The following CPD variants were observed in gnomAD, a reference collection of about 807,000 sequenced individuals.
CPD encodes the protein metallocarboxypeptidase D.
In CPD, 69 loss-of-function variants were observed where a neutral mutation model predicts 138.3. The observed-to-expected ratio is 0.50, with a 90% CI of 0.41 to 0.61. The LOEUF (loss-of-function observed/expected upper bound fraction) is 0.61. Ranked by LOEUF, CPD falls within the 20% of genes least tolerant of loss-of-function variation. CPD has a pLI of 0.00. For synonymous variants in CPD, 651 were observed against 642.1 expected (o/e 1.01, Z -0.21); for missense variants, 1,432 against 1,733.3 (o/e 0.83, Z 3.09).
At chr17:30,443,282 A>G (rs1159772700) in intron 10 of CPD, among the ~76,000 whole-genome samples, 1 of 152,140 alleles carries the variant, frequency 6.6e-6, no homozygotes, top group Non-Finnish European at 1.5e-5. Context: ...TACTATCTCT[A>G]AGTGCTACTG....
chr17:30,416,403 A>G (rs1257022220), intron 2 of CPD, among the ~76,000 whole-genome samples: 1 of 152,260 alleles, frequency 6.6e-6, no homozygotes, highest in Non-Finnish European at 1.5e-5. Flanking sequence ...TGTACTGTAC[A>G]TGTAAAAATG....
At chr17:30,435,965 C>A (rs1262206142) in intron 8 of CPD, among the ~76,000 whole-genome samples, 4 of 152,152 alleles carry the variant, frequency 2.6e-5, no homozygotes, top group African/African-American at 9.7e-5. Context: ...TCCCAGTTTC[C>A]CCTTTGTACA....
rs1911354393 is a variant in CPD, at chr17:30,391,404, AAAAC to A, written c.994+6174_994+6177del. Reference sequence around the variant, plus strand: ...AAAATAATGAGACCCTGTCTCCAAGAAAACAAACAGACAAAAAAGAATTGCCTTC... The same window carrying A: ...AAAATAATGAGACCCTGTCTCCAAGAAAACAGACAAAAAAGAATTGCCTTC... On this transcript the variant is annotated intron_variant, in intron 2 of 20. Coordinates refer to ENST00000225719, the MANE Select transcript of CPD (RefSeq NM_001304.5). 2.0e-5 allele frequency among the ~76,000 whole-genome samples: 3 copies of A among 152,312 alleles called. No homozygotes were observed. The South Asian group carries it at 6.2e-4, about 32-fold the overall frequency.
intron 14 of CPD, chr17:30,454,026 C>T (rs531825317): frequency 1.3e-5 from 2 of 152,354 alleles, no homozygotes; most frequent in South Asian, 4.1e-4. Flanking sequence ...CCTGGGCCTC[C>T]AGGCCTTTGA....
intron 8 of CPD, among the ~76,000 whole-genome samples, chr17:30,434,643 G>A: frequency 2.0e-5 from 3 of 151,992 alleles, no homozygotes; most frequent in Non-Finnish European, 4.4e-5. Flanking sequence ...AGCTTCTGGA[G>A]AAGGAAAAAA....
intron 6 of CPD, among the ~76,000 whole-genome samples, chr17:30,426,705 C>T (rs1360246909): frequency 1.3e-5 from 2 of 152,178 alleles, no homozygotes; most frequent in East Asian, 3.8e-4. Flanking sequence ...ACATGTTAGC[C>T]AAATTCAGGC....
Position 30,462,463 on chromosome 17 carries a change from G to A in CPD, c.3910G>A (p.Val1304Ile). The A allele has an allele frequency of 6.2e-7, 1 of 1,612,044 alleles. No individual in the cohort carries two copies. The highest frequency in any genetic ancestry group is 8.5e-7 in the Non-Finnish European group (1 of 1,178,404). ...FGLPRELVVT[V>I]SGATMSALIL... is the part of the protein sequence containing the mutation. ...TTTGCCAAGGGAGCTTGTGGTAACT[G>A]TATCAGGTAAAGACATTTTGATTTT... Residue 1304 changes from valine (V) to isoleucine (I), a missense_variant, in exon 20 of 21, where the codon GTA (valine) becomes ATA (isoleucine). Around this residue, in one of 6 missense-constraint regions of CPD, gnomAD observed 366 missense variants for 518.8 expected, o/e 0.71. Transcript: ENST00000225719.
At chr17:30,429,664 G>A (rs1912511267) in intron 7 of CPD, among the ~76,000 whole-genome samples, 1 of 152,164 alleles carries the variant, frequency 6.6e-6, no homozygotes. Context: ...TAGGAAAGAC[G>A]TGAAACCCTC....
intron 6 of CPD, among the ~76,000 whole-genome samples, chr17:30,426,063 G>C (rs2143425465): frequency 6.6e-6 from 1 of 152,212 alleles, no homozygotes; most frequent in Middle Eastern, 3.4e-3. Context: ...AGCTGGGCGT[G>C]GTGGCGCACA....
chr17:30,384,447 G>A (rs561107377), intron 1 of CPD, among the ~76,000 whole-genome samples: 14 of 152,164 alleles, frequency 9.2e-5, no homozygotes, highest in East Asian at 5.8e-4. Context: ...TGGAATTTAC[G>A]TATTATGAAA....
At chr17:30,392,520 C>T (rs1227375569) in intron 2 of CPD, among the ~76,000 whole-genome samples, 1 of 152,030 alleles carries the variant, frequency 6.6e-6, no homozygotes, top group South Asian at 2.1e-4. Context: ...TAAAAAATTT[C>T]ATGGAACAAT....
In CPD at chr17:30,442,196, C is replaced by T; in HGVS notation, c.2231-112C>T. 8.8e-6 allele frequency: 8 copies of T among 912,634 alleles called. No homozygotes were observed. The South Asian group carries it at 1.4e-4, about 16-fold the overall frequency. The allele number at this position is 912,634 out of a possible 1,614,324, so 56.5% of individuals were successfully genotyped here. On this transcript the variant is annotated intron_variant, in intron 9 of 20. Transcript: ENST00000225719. ...CCCTCACATGAACACGTTAGCTTAT[C>T]AATGCTGATAAGAGATAAATTTGGC...
chr17:30,455,208 G>A (rs1395440091), intron 14 of CPD, 131 bp from the exon 15 acceptor site: 3 of 765,882 alleles, frequency 3.9e-6, no homozygotes, highest in South Asian at 3.8e-5. Flanking sequence ...GTGGCTTATG[G>A]AGAAATAAAA....
At chr17:30,387,751 A>G (rs1911231710) in intron 2 of CPD, among the ~76,000 whole-genome samples, 1 of 152,208 alleles carries the variant, frequency 6.6e-6, no homozygotes, top group Non-Finnish European at 1.5e-5. Context: ...ATCAAGCCAT[A>G]TGTACCCAAA....
chr17:30,462,655 C>G (rs959529492), intron 20 of CPD, among the ~76,000 whole-genome samples, 186 bp downstream of exon 20: 1 of 152,040 alleles, frequency 6.6e-6, no homozygotes, highest in Admixed American at 6.6e-5. Context: ...CTTTCTCTGC[C>G]GAGACCAGCT....
In CPD at chr17:30,400,748, C is replaced by G. The variant is rs890442561; in HGVS notation, c.994+15512C>G. 7.6e-5 allele frequency among the ~76,000 whole-genome samples: 11 copies of G among 144,536 alleles called. 1 individual carries two copies. The Admixed American group carries it at 7.7e-4, about 10-fold the overall frequency. The allele number at this position is 144,536 out of a possible 152,430, so 94.8% of individuals were successfully genotyped here. A position where few individuals can be genotyped will look rare whatever the true frequency, so the allele number is the denominator to read the frequency against. On this transcript the variant is annotated intron_variant, in intron 2 of 20. Coordinates refer to ENST00000225719, the MANE Select transcript of CPD (RefSeq NM_001304.5). Reference sequence around the variant, plus strand: ...TCTCAGCTCACCGCAAGCTTTGCCTCCTGGGTTCACTCCATTCTCCTGCCT... The same window carrying G: ...TCTCAGCTCACCGCAAGCTTTGCCTGCTGGGTTCACTCCATTCTCCTGCCT...
At chr17:30,432,728 G>A (rs1330034775) in intron 8 of CPD, among the ~76,000 whole-genome samples, 2 of 151,872 alleles carry the variant, frequency 1.3e-5, no homozygotes, top group Non-Finnish European at 2.9e-5. Flanking sequence ...GGGCAACATA[G>A]CAAGAGCTTG....
chr17:30,407,955 A>G (rs1044441505), intron 2 of CPD, among the ~76,000 whole-genome samples: 3 of 152,222 alleles, frequency 2.0e-5, no homozygotes, highest in Non-Finnish European at 4.4e-5. Context: ...TTTAGGTCGT[A>G]CGTTTAATTC....
intron 6 of CPD, among the ~76,000 whole-genome samples, chr17:30,426,100 T>G (rs1214225360): frequency 6.7e-6 from 1 of 150,032 alleles, no homozygotes; most frequent in Non-Finnish European, 1.5e-5. Context: ...CTCGGGAGGC[T>G]GAGGCAGGAG....
Sources: allele counts gnomAD v4.1 joint callset (sites outside exome capture counted in the v4.1 genomes callset), GRCh38; gene constraint gnomAD v4.1.1; regional missense constraint gnomAD v4.1.1; transcripts MANE v1.5; gene names NCBI Gene and HGNC (gene_info 2026-07-23, HGNC 2026-07-21).